Variants in RALGAPA2 observed in about 807,000 individuals in gnomAD.
The protein encoded by RALGAPA2 is Ral GTPase activating protein catalytic subunit alpha 2, also known as ral GTPase-activating protein subunit alpha-2.
A neutral mutation model predicts 230.4 loss-of-function variants in RALGAPA2; 139 were observed. The observed-to-expected ratio is 0.60, with a 90% confidence interval of 0.53 to 0.69. The LOEUF (loss-of-function observed/expected upper bound fraction) is 0.69. Among genes scored for constraint, RALGAPA2 ranks in the 30% least tolerant of loss-of-function variants. RALGAPA2 has a pLI of 0.00. For missense variants in RALGAPA2, 2,163 were observed against 2,276.0 expected (o/e 0.95, Z 1.01); for synonymous variants, 847 against 837.8 (o/e 1.01, Z -0.19).
At chr20:20,443,934 A>C (rs1178898839) in intron 37 of RALGAPA2, among the ~76,000 whole-genome samples, 1 of 152,246 alleles carries the variant, frequency 6.6e-6, no homozygotes, top group African/African-American at 2.4e-5. Context: ...ATCCCTGCTA[A>C]GGGGCTGCTT....
rs556778025 is a variant in RALGAPA2, at chr20:20,512,814, C to T, written c.4555G>A (p.Val1519Ile). ...DSSQVEEGDD[V>I]LDKLLENIGH... ...ATGTTTTCAAGTAATTTGTCAAGAACATCATCCCCCTCCTCAACTTGAGAA... is the reference window on the plus strand; with the variant it reads ...ATGTTTTCAAGTAATTTGTCAAGAATATCATCCCCCTCCTCAACTTGAGAA... The change falls in exon 32 of 40, where the codon GTT becomes ATT. Residue 1519 changes from valine (V) to isoleucine (I), a missense_variant. Physicochemically the swap from Val to Ile is conservative, Grantham distance 29 (BLOSUM62 3). Coordinates refer to ENST00000202677, the MANE Select transcript of RALGAPA2 (RefSeq NM_020343.4). The T allele has an allele frequency of 1.5e-5, 24 of 1,613,752 alleles. No individual in the cohort carries two copies. The East Asian group carries it at 5.1e-4, about 34-fold the overall frequency.
At chr20:20,533,492 A>C (rs1438639746) in intron 26 of RALGAPA2, among the ~76,000 whole-genome samples, 2 of 152,194 alleles carry the variant, frequency 1.3e-5, no homozygotes, top group Non-Finnish European at 2.9e-5. Context: ...CAAAATATAT[A>C]AAGCAAAATT....
intron 24 of RALGAPA2, among the ~76,000 whole-genome samples, chr20:20,545,547 G>A (rs560162895): frequency 6.6e-6 from 1 of 152,252 alleles, no homozygotes; most frequent in African/African-American, 2.4e-5. Context: ...AATTTACCCT[G>A]CAAAGAAGAA....
intron 24 of RALGAPA2, among the ~76,000 whole-genome samples, chr20:20,542,647 C>T (rs1039008277): frequency 1.3e-5 from 2 of 152,092 alleles, no homozygotes; most frequent in Non-Finnish European, 2.9e-5. Flanking sequence ...CTGACAAAAA[C>T]AAGCAATGGG....
At chr20:20,447,224 T>C (rs1006458255) in intron 37 of RALGAPA2, among the ~76,000 whole-genome samples, 7 of 152,230 alleles carry the variant, frequency 4.6e-5, no homozygotes, top group Non-Finnish European at 8.8e-5. Flanking sequence ...TTTGCTAACA[T>C]GGCAAGCAAT....
At chr20:20,639,705 C>A in intron 7 of RALGAPA2, 80 bp downstream of exon 7, 2 of 980,990 alleles carry the variant, frequency 2.0e-6, no homozygotes, top group South Asian at 1.4e-5. Context: ...AATATAGATA[C>A]ACAGAGGGAA....
At chr20:20,654,493 T>C (rs968617841) in intron 3 of RALGAPA2, among the ~76,000 whole-genome samples, 3 of 152,202 alleles carry the variant, frequency 2.0e-5, no homozygotes, top group Admixed American at 6.5e-5. Context: ...TCCAGCCCCA[T>C]GCAGTATCTT....
At chr20:20,689,624 G>C (rs1206122564) in intron 1 of RALGAPA2, among the ~76,000 whole-genome samples, 1 of 152,224 alleles carries the variant, frequency 6.6e-6, no homozygotes, top group African/African-American at 2.4e-5. Flanking sequence ...CCTGGTGACA[G>C]GGCGAGACTC....
intron 23 of RALGAPA2, among the ~76,000 whole-genome samples, chr20:20,560,347 C>T (rs1218438480): frequency 6.6e-6 from 1 of 152,166 alleles, no homozygotes; most frequent in African/African-American, 2.4e-5. Flanking sequence ...CAATTACCTA[C>T]CAAAGGATAT....
chr20:20,576,939 T>C (rs562789057), intron 20 of RALGAPA2, among the ~76,000 whole-genome samples: 1 of 152,314 alleles, frequency 6.6e-6, no homozygotes, highest in Admixed American at 6.5e-5. Flanking sequence ...TATTATTTGC[T>C]TTCTAGTACA....
At chr20:20,559,763 C>T (rs1159602361) in intron 23 of RALGAPA2, among the ~76,000 whole-genome samples, 1 of 151,756 alleles carries the variant, frequency 6.6e-6, no homozygotes, top group Non-Finnish European at 1.5e-5. Flanking sequence ...GTAAAAGATA[C>T]AACTAATTTG....
At chr20:20,394,759 C>A (rs2059672541) in intron 39 of RALGAPA2, among the ~76,000 whole-genome samples, 1 of 152,078 alleles carries the variant, frequency 6.6e-6, no homozygotes, top group Admixed American at 6.5e-5. Flanking sequence ...CATCCCCTCG[C>A]AGCTGGTGGT....
At chr20:20,634,352 T>C (rs903549012) in intron 9 of RALGAPA2, among the ~76,000 whole-genome samples, 9 of 152,218 alleles carry the variant, frequency 5.9e-5, no homozygotes, top group South Asian at 2.1e-4. Context: ...ATAATCATTA[T>C]CATTTTCATT....
rs748415398 is a variant in RALGAPA2, at chr20:20,571,867, A to C, written c.2981T>G (p.Phe994Cys). 6.2e-7 allele frequency: 1 copy of C among 1,610,806 alleles called. No homozygotes were observed. Residue 994 changes from phenylalanine to cysteine, a missense_variant, in exon 22 of 40, where the codon TTT becomes TGT. Coordinates refer to ENST00000202677, the MANE Select transcript of RALGAPA2 (RefSeq NM_020343.4). ...PPVLIPPLRM[F>C]ASWLFKAATL... ...ACTTGCCTTAAACAGCCATGATGCA[A>C]ACATTCTGAGTGGTGGGATCAAAAC...
intron 3 of RALGAPA2, among the ~76,000 whole-genome samples, chr20:20,675,806 C>T (rs1010805763): frequency 9.2e-5 from 14 of 151,920 alleles, no homozygotes; most frequent in African/African-American, 2.4e-4. Context: ...ATATATGAGA[C>T]GAATCATCTC....
intron 1 of RALGAPA2, among the ~76,000 whole-genome samples, chr20:20,681,102 C>G (rs2068504349): frequency 6.6e-6 from 1 of 152,222 alleles, no homozygotes; most frequent in South Asian, 2.1e-4. Flanking sequence ...AGGGGCAGGT[C>G]TGGGGAGGGA....
chr20:20,510,793 A>T (rs762331776), intron 33 of RALGAPA2, among the ~76,000 whole-genome samples: 1 of 152,216 alleles, frequency 6.6e-6, no homozygotes, highest in Non-Finnish European at 1.5e-5. Flanking sequence ...TATTAATTAC[A>T]ACACACTGGT....
intron 36 of RALGAPA2, among the ~76,000 whole-genome samples, chr20:20,487,754 A>G (rs1353593016): frequency 6.6e-6 from 1 of 151,946 alleles, no homozygotes; most frequent in Non-Finnish European, 1.5e-5. Flanking sequence ...CCAAAAAAAA[A>G]TACAAAACTT....
intron 23 of RALGAPA2, 46 bp from the exon 24 acceptor site, chr20:20,546,878 A>T: frequency 6.6e-7 from 1 of 1,522,606 alleles, no homozygotes; most frequent in Non-Finnish European, 8.8e-7. Context: ...GTTCAAACAC[A>T]AAATTCCAAA....
Sources: gnomAD v4.1 joint callset for allele counts (sites outside exome capture counted in the v4.1 genomes callset) on GRCh38, gnomAD v4.1.1 for gene constraint, MANE v1.5 for transcripts, NCBI Gene and HGNC (gene_info 2026-07-23, HGNC 2026-07-21) for gene names.